IRF2: variants seen among roughly 807,000 people sequenced by gnomAD.
IRF2 encodes the protein interferon regulatory factor 2.
IRF2 carries 15 observed loss-of-function variants against 40.6 expected under a neutral mutation model. The ratio of observed to expected loss-of-function variants is 0.37; its 90% CI spans 0.25 to 0.57. The LOEUF (loss-of-function observed/expected upper bound fraction) is 0.57, where lower values mean the gene tolerates loss of function less well. Ranked by LOEUF, IRF2 falls within the 20% of genes least tolerant of loss-of-function variation. The pLI is 0.77. For synonymous variants in IRF2, 151 were observed against 165.5 expected, an observed-to-expected ratio of 0.91 and a Z score of 0.67; for missense variants, 317 against 455.7, an observed-to-expected ratio of 0.70 and a Z score of 2.77.
intron 1 of IRF2, among the ~76,000 whole-genome samples, chr4:184,459,931 A>G (rs1286973685): frequency 6.6e-6 from 1 of 152,260 alleles, no homozygotes; most frequent in African/African-American, 2.4e-5. Flanking sequence ...TGGTACAGCT[A>G]TGGAAAACAA....
chr4:184,409,673 C>G (rs537716206), intron 5 of IRF2, among the ~76,000 whole-genome samples: 1 of 152,150 alleles, frequency 6.6e-6, no homozygotes, highest in African/African-American at 2.4e-5. Flanking sequence ...GCTGCAGGAT[C>G]GTTTCAGCCC....
At chr4:184,441,807 A>G (rs965027377) in intron 1 of IRF2, among the ~76,000 whole-genome samples, 54 of 152,336 alleles carry the variant, frequency 3.5e-4, no homozygotes, top group Admixed American at 3.5e-3. Context: ...CGTGGGTACT[A>G]CTGTGGTCCC....
intron 2 of IRF2, among the ~76,000 whole-genome samples, chr4:184,427,552 G>A (rs1286194395): frequency 6.6e-6 from 1 of 152,136 alleles, no homozygotes; most frequent in Non-Finnish European, 1.5e-5. Flanking sequence ...AGACAAAGGT[G>A]GGAGGATCGC....
intron 6 of IRF2, among the ~76,000 whole-genome samples, chr4:184,402,889 G>C (rs72701791): frequency 0.028 from 4,327 of 152,224 alleles, 78 homozygotes; most frequent in South Asian, 0.046. Context: ...TTATAGGACC[G>C]TGTGCCTTAA....
rs373619235 is a variant in IRF2 at position 184,390,756 on chromosome 4, A to C, written c.695-7T>G. On this transcript the variant is annotated splice_region_variant and splice_polypyrimidine_tract_variant and intron_variant, in intron 7 of 8. Transcript: ENST00000393593. ...CTATCAGTCGTTTCGCTTTCTGTTC[A>C]CAGAGAGAAAAACACAGGGCCATCA... The C allele has an allele frequency of 2.2e-5, 35 of 1,614,060 alleles. No homozygotes were observed. Among genetic ancestry groups the C allele is most frequent in the Non-Finnish European group, 2.9e-5 (34 of 1,180,030 alleles).
In IRF2 at chr4:184,448,297, C is replaced by T. The variant is rs563807827; in HGVS notation, c.-6-19227G>A. Reference sequence around the variant, plus strand: ...AGCTGCTGGCGGTTTATTCGTCCTCCGTGCACCAGGATGGTATTAATAAGC... The same window carrying T: ...AGCTGCTGGCGGTTTATTCGTCCTCTGTGCACCAGGATGGTATTAATAAGC... On this transcript the variant is annotated intron_variant, in intron 1 of 8. Transcript: ENST00000393593. This position sits in a 1 kb window ranked among gnomAD's most constrained non-coding sequence, Gnocchi z 4.3. Among the ~76,000 whole-genome samples the T allele has an allele frequency of 6.6e-6, 1 of 152,320 alleles. No individual in the cohort carries two copies. Among genetic ancestry groups the T allele is most frequent in the African/African-American group, 2.4e-5 (1 of 41,572 alleles).
Position 184,399,094 on chromosome 4 carries a change from C to G in IRF2, c.530-15G>C. 1 of 1,572,422 alleles carries G rather than the reference C, an allele frequency of 6.4e-7. No individual in the cohort carries two copies. The highest frequency in any genetic ancestry group is 8.6e-7 in the Non-Finnish European group (1 of 1,161,356). The stretch of plus-strand genomic sequence containing the variant: ...CTGTCCTACAACTTCAAAGAAAAGA[C>G]AGCCATCATGCAAAGTCTGCTGACC... On this transcript the variant is annotated splice_polypyrimidine_tract_variant and intron_variant, in intron 6 of 8. Transcript: ENST00000393593.
At chr4:184,446,426 G>T (rs957232614) in intron 1 of IRF2, among the ~76,000 whole-genome samples, 1 of 152,228 alleles carries the variant, frequency 6.6e-6, no homozygotes, top group East Asian at 1.9e-4. Context: ...ACAGCCCTGT[G>T]CAGGGGCTGG....
intron 1 of IRF2, among the ~76,000 whole-genome samples, chr4:184,439,105 G>A (rs1738196390): frequency 6.6e-6 from 1 of 152,092 alleles, no homozygotes; most frequent in Non-Finnish European, 1.5e-5. Context: ...AAAGTCATAG[G>A]TTCATTTAAG....
At chr4:184,462,762 T>C (rs1289797304) in intron 1 of IRF2, among the ~76,000 whole-genome samples, 1 of 152,200 alleles carries the variant, frequency 6.6e-6, no homozygotes, top group Non-Finnish European at 1.5e-5. Flanking sequence ...TAATACAAAG[T>C]AACAAATCCT....
In IRF2 at chr4:184,387,754, T is replaced by A. The variant is rs1173228725; in HGVS notation, c.*1004A>T. 1 of 152,598 alleles carries A rather than the reference T, an allele frequency of 6.6e-6. No homozygotes were observed. The highest frequency in any genetic ancestry group is 2.4e-5 in the African/African-American group (1 of 41,432). 9.5% of individuals were successfully genotyped at this position (152,598 alleles called of 1,614,324 possible). ...TTTAACTATATATCATATTCATTTA[T>A]TATCAATCCACAGGAAAATCTGATT... On this transcript the variant is annotated 3_prime_UTR_variant, in exon 9 of 9. Coordinates refer to ENST00000393593, the MANE Select transcript of IRF2 (RefSeq NM_002199.4).
At chr4:184,421,225 C>T (rs966414812) in intron 2 of IRF2, among the ~76,000 whole-genome samples, 1 of 152,160 alleles carries the variant, frequency 6.6e-6, no homozygotes, top group African/African-American at 2.4e-5. Context: ...AAAGCCAGAA[C>T]AAAGACTATT....
intron 1 of IRF2, among the ~76,000 whole-genome samples, chr4:184,440,089 G>A (rs367768872): frequency 1.3e-5 from 2 of 152,312 alleles, no homozygotes; most frequent in South Asian, 2.1e-4. Flanking sequence ...GCAAGAACAC[G>A]AATGGGAAAG....
chr4:184,406,200 C>T (rs1736848247), intron 6 of IRF2, among the ~76,000 whole-genome samples: 1 of 151,892 alleles, frequency 6.6e-6, no homozygotes, highest in Non-Finnish European at 1.5e-5. Context: ...TGGTGCCTTC[C>T]ATCTAAAGAC....
At position 184,401,322 on chromosome 4, in the gene IRF2, T is replaced by C. The variant is rs563842080; in HGVS notation, c.530-2243A>G. Among the ~76,000 whole-genome samples, 2 of 152,270 alleles carry C rather than the reference T, an allele frequency of 1.3e-5. 1 individual carries two copies. The highest frequency in any genetic ancestry group is 4.8e-5 in the African/African-American group (2 of 41,554). On this transcript the variant is annotated intron_variant, in intron 6 of 8. Coordinates refer to ENST00000393593, the MANE Select transcript of IRF2 (RefSeq NM_002199.4). The stretch of plus-strand genomic sequence containing the variant: ...ACGCAGGGAAGGTTTTAGAGGGCAG[T>C]GGCAATTCATAGGTTCTTTAATAAA...
chr4:184,452,798 G>GAAAAAAAAAA (rs1579104870), intron 1 of IRF2, among the ~76,000 whole-genome samples: 2 of 122,996 alleles, frequency 1.6e-5, no homozygotes, highest in African/African-American at 3.2e-5. Context: ...AAAAAAAAGG[G>GAAAAAAAAAA]AAAGAAAGAA....
intron 1 of IRF2, among the ~76,000 whole-genome samples, chr4:184,467,848 C>G (rs1173816719): frequency 6.6e-6 from 1 of 152,208 alleles, no homozygotes; most frequent in Non-Finnish European, 1.5e-5. Context: ...GAAAATCACA[C>G]AGCAAGTAGT....
intron 1 of IRF2, among the ~76,000 whole-genome samples, chr4:184,459,927 A>G (rs542161340): frequency 1.3e-5 from 2 of 152,366 alleles, no homozygotes; most frequent in Admixed American, 6.5e-5. Flanking sequence ...AAAATGGTAC[A>G]GCTATGGAAA....
intron 1 of IRF2, among the ~76,000 whole-genome samples, chr4:184,473,793 G>A (rs2149922825): frequency 6.6e-6 from 1 of 152,002 alleles, no homozygotes; most frequent in South Asian, 2.1e-4. Flanking sequence ...GGGGAGCGGT[G>A]CCTGCTTATT....
Sources: allele counts gnomAD v4.1 joint callset (sites outside exome capture counted in the v4.1 genomes callset), GRCh38; gene constraint gnomAD v4.1.1; non-coding constraint Gnocchi (gnomAD v3.1); transcripts MANE v1.5; gene names NCBI Gene and HGNC (gene_info 2026-07-23, HGNC 2026-07-21).